Variants in POLE2 observed in about 807,000 individuals in gnomAD.
POLE2 encodes the protein DNA polymerase epsilon 2, accessory subunit.
In POLE2, 56 loss-of-function variants were observed where a neutral mutation model predicts 79.4. That is an observed-to-expected ratio of 0.71 (90% CI 0.57 to 0.88). The LOEUF (loss-of-function observed/expected upper bound fraction) is 0.88, where lower values mean the gene tolerates loss of function less well. Among genes scored for constraint, POLE2 ranks in the 40% least tolerant of loss-of-function variants. The pLI is 0.00. For missense variants in POLE2, 598 were observed against 638.9 expected (o/e 0.94, Z 0.69); for synonymous variants, 212 against 214.0 (o/e 0.99, Z 0.08).
At chr14:49,652,959 G>A (rs1473230708) in intron 15 of POLE2, among the ~76,000 whole-genome samples, 1 of 152,008 alleles carries the variant, frequency 6.6e-6, no homozygotes. Flanking sequence ...AGAGAGAGCA[G>A]ATTCTGGATA....
chr14:49,655,864 T>C (rs1884626849), intron 10 of POLE2, 21 bp from the exon 11 acceptor site: 1 of 1,161,870 alleles, frequency 8.6e-7, no homozygotes, highest in Non-Finnish European at 1.3e-6. Flanking sequence ...ATAACATAAT[T>C]ATCTTCTATA....
In POLE2 at chr14:49,674,379, C is replaced by A; in HGVS notation, c.294G>T (p.Val98=). 6.2e-7 allele frequency: 1 copy of A among 1,610,590 alleles called. No homozygotes were observed. Among genetic ancestry groups the A allele is most frequent in the Non-Finnish European group, 8.5e-7 (1 of 1,177,168 alleles). ...IIGAFDIPRF[V]YNSERKKFLP... is the part of the protein sequence containing the mutation. Reference sequence around the variant, plus strand: ...GAAATTTTTTTCTTTCTGAATTGTACACAAAGCGTGGAATATCAAATGCTC... The same window carrying A: ...GAAATTTTTTTCTTTCTGAATTGTAAACAAAGCGTGGAATATCAAATGCTC... The change falls in exon 4 of 19, where the codon GTG becomes GTT. Residue 98 remains valine, a synonymous_variant. Transcript: ENST00000216367.
At chr14:49,683,412 G>GA (rs369936771) in intron 2 of POLE2, among the ~76,000 whole-genome samples, 181 bp downstream of exon 2, 11 of 149,420 alleles carry the variant, frequency 7.4e-5, no homozygotes, top group African/African-American at 1.7e-4. Flanking sequence ...AAAAAAGAAA[G>GA]AAAAAAAAAT....
intron 1 of POLE2, 27 bp downstream of exon 1, chr14:49,688,109 C>T: frequency 6.5e-7 from 1 of 1,528,746 alleles, no homozygotes; most frequent in Non-Finnish European, 8.9e-7. Flanking sequence ...TTCCCTCTCG[C>T]CCTTCAAGCT....
At chr14:49,662,035 A>G (rs1163541496) in intron 10 of POLE2, among the ~76,000 whole-genome samples, 1 of 152,246 alleles carries the variant, frequency 6.6e-6, no homozygotes, top group African/African-American at 2.4e-5. Flanking sequence ...CAAAAATACC[A>G]TGACAATGGC....
intron 5 of POLE2, among the ~76,000 whole-genome samples, chr14:49,673,541 T>C (rs1886042072): frequency 6.6e-6 from 1 of 152,240 alleles, no homozygotes; most frequent in Admixed American, 6.5e-5. Context: ...AATGCCATCA[T>C]TTCCTTGAAG....
intron 10 of POLE2, 149 bp downstream of exon 10, chr14:49,663,166 C>G (rs182558466): frequency 2.6e-6 from 1 of 391,370 alleles, no homozygotes; most frequent in African/African-American, 2.1e-5. Context: ...ATACAAAACC[C>G]AGTCTTCTAA....
chr14:49,669,810 C>G (rs1183697804), intron 5 of POLE2, among the ~76,000 whole-genome samples: 1 of 152,106 alleles, frequency 6.6e-6, no homozygotes, highest in Non-Finnish European at 1.5e-5. Context: ...TTTTAAAGGT[C>G]TATTGTGTGT....
intron 16 of POLE2, 100 bp downstream of exon 16, chr14:49,651,165 CATAA>C (rs1884196124): frequency 5.4e-6 from 3 of 551,986 alleles, no homozygotes; most frequent in Non-Finnish European, 9.9e-6. Flanking sequence ...TATTTTGAAC[CATAA>C]ATAAATGTCC....
chr14:49,687,605 T>C (rs771587517), intron 1 of POLE2, among the ~76,000 whole-genome samples: 5 of 152,090 alleles, frequency 3.3e-5, no homozygotes, highest in Non-Finnish European at 5.9e-5. Context: ...CAGTTTGACA[T>C]GTGCAGAAGA....
chr14:49,662,366 C>T (rs1181577174), intron 10 of POLE2, among the ~76,000 whole-genome samples: 2 of 152,228 alleles, frequency 1.3e-5, no homozygotes, highest in African/African-American at 2.4e-5. Context: ...GGTGCGATCT[C>T]GGCTCACTGC....
At chr14:49,678,746 T>A (rs1055139048) in intron 3 of POLE2, among the ~76,000 whole-genome samples, 11 of 152,252 alleles carry the variant, frequency 7.2e-5, no homozygotes, top group Admixed American at 2.0e-4. Flanking sequence ...AACCACCACC[T>A]CGCAGGCTCA....
chr14:49,666,106 C>T (rs1885470275), intron 7 of POLE2, among the ~76,000 whole-genome samples: 1 of 152,186 alleles, frequency 6.6e-6, no homozygotes, highest in African/African-American at 2.4e-5. Flanking sequence ...GGATTACAGG[C>T]GTGAGCCACC....
chr14:49,677,852 C>T lies in POLE2; in HGVS notation c.245+1873G>A, dbSNP rs952748261. ...TTGCCTCCTCAGTCAGCTGGAGGTA[C>T]TGCAGCCCCCAGCTCCTGGCCAGCA... On this transcript the variant is annotated intron_variant, in intron 3 of 18. Transcript: ENST00000216367. 1.4e-4 allele frequency: 61 copies of T among 435,248 alleles called. 1 individual carries two copies. The Middle Eastern group carries it at 4.0e-3, about 29-fold the overall frequency. The allele number at this position is 435,248 out of a possible 1,614,324, so 27.0% of individuals were successfully genotyped here.
intron 1 of POLE2, 91 bp downstream of exon 1, chr14:49,688,045 G>T (rs1231632862): frequency 6.4e-6 from 7 of 1,090,956 alleles, no homozygotes; most frequent in Non-Finnish European, 9.4e-6. Context: ...CTCGGCGCGC[G>T]GGGAGCCGCC....
intron 2 of POLE2, 50 bp from the exon 3 acceptor site, chr14:49,679,850 T>C: frequency 1.0e-6 from 1 of 995,264 alleles, no homozygotes; most frequent in East Asian, 2.4e-5. Context: ...AAAAAAATAG[T>C]TCTTTCCACA....
At chr14:49,650,232 A>C (rs775767817) in intron 17 of POLE2, 33 bp downstream of exon 17, 1 of 1,184,236 alleles carries the variant, frequency 8.4e-7, no homozygotes, top group Non-Finnish European at 1.2e-6. Context: ...ATCTTGATAA[A>C]TAATGACTAT....
intron 15 of POLE2, among the ~76,000 whole-genome samples, chr14:49,652,455 G>A (rs946637270): frequency 6.6e-6 from 1 of 151,990 alleles, no homozygotes; most frequent in South Asian, 2.1e-4. Context: ...TTAGGAACTG[G>A]ACCACACAGC....
chr14:49,658,323 G>T (rs1235945101), intron 10 of POLE2, among the ~76,000 whole-genome samples: 1 of 151,980 alleles, frequency 6.6e-6, no homozygotes. Context: ...TGATCCGCCC[G>T]CCTAGGCTTC....
Sources: allele counts gnomAD v4.1 joint callset (sites outside exome capture counted in the v4.1 genomes callset), GRCh38; gene constraint gnomAD v4.1.1; transcripts MANE v1.5; gene names NCBI Gene and HGNC (gene_info 2026-07-23, HGNC 2026-07-21).